APBB2: variants seen among roughly 807,000 people sequenced by gnomAD.
APBB2 encodes amyloid beta precursor protein binding family B member 2, also known as Fe65-like 1.
Under a neutral mutation model 82.5 loss-of-function variants are expected in APBB2, and 38 were observed. That is an observed-to-expected ratio of 0.46 (90% CI 0.36 to 0.60). APBB2 has a LOEUF of 0.60. Among genes scored for constraint, APBB2 ranks in the 20% least tolerant of loss-of-function variants. The probability of loss-of-function intolerance (pLI) is 0.00; values close to 1 mark genes in which losing one functional copy is unlikely to be tolerated. For synonymous variants in APBB2, 341 were observed against 368.2 expected (o/e 0.93, Z 0.85); for missense variants, 772 against 972.3 (o/e 0.79, Z 2.74).
Position 41,183,205 on chromosome 4 carries a change from C to T in APBB2, c.-417+31200G>A, listed in dbSNP as rs138452891. 6.9e-3 allele frequency among the ~76,000 whole-genome samples: 1,056 copies of T among 152,324 alleles called. 20 individuals carry two copies. Among genetic ancestry groups the T allele is most frequent in the African/African-American group, 0.024 (1,013 of 41,568 alleles). The stretch of plus-strand genomic sequence containing the variant: ...GTCCACACCACCGCCCTCTCTAGCA[C>T]CCTGGCCCAGCAATCACCATTGTCT... On this transcript the variant is annotated intron_variant, in intron 1 of 17. Coordinates refer to ENST00000508593, the MANE Select transcript of APBB2 (RefSeq NM_004307.2).
intron 10 of APBB2, among the ~76,000 whole-genome samples, chr4:40,928,713 T>C (rs1459937861): frequency 6.6e-6 from 1 of 151,904 alleles, no homozygotes; most frequent in Non-Finnish European, 1.5e-5. Flanking sequence ...GGTGAAACCC[T>C]GTCTCTACTA....
At chr4:40,952,197 A>T (rs200984253) in intron 6 of APBB2, among the ~76,000 whole-genome samples, 25,474 of 150,650 alleles carry the variant, frequency 0.17, 2,490 homozygotes, top group Admixed American at 0.24. Flanking sequence ...AAAAAAAAAA[A>T]AAAAAAAAAG....
chr4:41,056,429 T>C (rs1281942339), intron 4 of APBB2, among the ~76,000 whole-genome samples: 2 of 152,090 alleles, frequency 1.3e-5, no homozygotes, highest in African/African-American at 2.4e-5. Context: ...CCCCAGACCA[T>C]TGTGTCCTGT....
At chr4:41,124,559 T>C (rs1053226492) in intron 2 of APBB2, among the ~76,000 whole-genome samples, 6 of 151,926 alleles carry the variant, frequency 3.9e-5, no homozygotes, top group Non-Finnish European at 7.4e-5. Context: ...ATGGGCCATA[T>C]AAAAAAAACA....
chr4:41,028,899 T>C (rs1310690897), intron 5 of APBB2, among the ~76,000 whole-genome samples: 2 of 152,308 alleles, frequency 1.3e-5, no homozygotes, highest in South Asian at 2.1e-4. Flanking sequence ...TGGTTAAACC[T>C]GGCTTTCCCC....
At chr4:41,101,470 CAAAAAAAAAAAAAAAAA>C (rs150527764) in intron 2 of APBB2, among the ~76,000 whole-genome samples, 6 of 72,524 alleles carry the variant, frequency 8.3e-5, no homozygotes, top group South Asian at 1.6e-3. Context: ...GACTCCGTCT[CAAAAAAAAAAAAAAAAA>C]AAAAAAAAAA....
chr4:41,014,658 TA>T (rs1809366916), intron 5 of APBB2, among the ~76,000 whole-genome samples: 1 of 152,178 alleles, frequency 6.6e-6, no homozygotes, highest in South Asian at 2.1e-4. Flanking sequence ...TTACTTAAAA[TA>T]AAAAAGCATT....
At chr4:41,077,262 T>C (rs1735976005) in intron 3 of APBB2, among the ~76,000 whole-genome samples, 1 of 150,840 alleles carries the variant, frequency 6.6e-6, no homozygotes, top group Admixed American at 6.6e-5. Context: ...CCTCCCACCT[T>C]GACCTCTGAG....
chr4:40,939,946 A>G (rs1186118986), intron 7 of APBB2, among the ~76,000 whole-genome samples: 1 of 152,206 alleles, frequency 6.6e-6, no homozygotes, highest in Non-Finnish European at 1.5e-5. Flanking sequence ...AGAAACTACA[A>G]TGTAGAGGGG....
intron 12 of APBB2, among the ~76,000 whole-genome samples, chr4:40,868,484 A>G (rs545007706): frequency 3.9e-5 from 6 of 152,210 alleles, no homozygotes; most frequent in Non-Finnish European, 8.8e-5. Context: ...ACCATTAGCA[A>G]TCTCAGCTTC....
At position 40,816,115 on chromosome 4, in the gene APBB2, G is replaced by A. The variant is rs768084121; in HGVS notation, c.2257C>T (p.Arg753Cys). ...AGCTATGGCATTTCGGTGACAGGGC[G>A]TTTCTGTTTCAAAGTGTCAATGAGG... Reference protein sequence around the residue: ...LSLIDTLKQKRPVTEMP With the variant: ...LSLIDTLKQKCPVTEMP The change falls in exon 18 of 18, where the codon CGC becomes TGC. Residue 753 changes from arginine to cysteine, a missense_variant. Transcript: ENST00000508593. 9 of 1,613,796 alleles carry A rather than the reference G, an allele frequency of 5.6e-6. No individual in the cohort carries two copies. The highest frequency in any genetic ancestry group is 7.6e-6 in the Non-Finnish European group (9 of 1,179,792).
chr4:40,817,027 A>C (rs925580152), intron 17 of APBB2, among the ~76,000 whole-genome samples: 1 of 152,332 alleles, frequency 6.6e-6, no homozygotes, highest in South Asian at 2.1e-4. Context: ...CTGGTTTTGC[A>C]TAATGGGAAG....
At chr4:40,877,820 C>T (rs892443196) in intron 12 of APBB2, among the ~76,000 whole-genome samples, 2 of 152,264 alleles carry the variant, frequency 1.3e-5, no homozygotes, top group Non-Finnish European at 2.9e-5. Context: ...GTAGGAGCCA[C>T]GTGTCATGAA....
At chr4:40,978,647 G>A (rs1797751534) in intron 6 of APBB2, among the ~76,000 whole-genome samples, 1 of 152,134 alleles carries the variant, frequency 6.6e-6, no homozygotes, top group South Asian at 2.1e-4. Context: ...TTTTTTGCAA[G>A]GTAGCTGGAT....
At chr4:40,945,770 G>A (rs1299945856) in intron 6 of APBB2, among the ~76,000 whole-genome samples, 2 of 152,088 alleles carry the variant, frequency 1.3e-5, no homozygotes, top group Admixed American at 6.5e-5. Context: ...TTGCCACCAC[G>A]CCAGGCTTTT....
chr4:41,029,052 G>A (rs1437006896), intron 5 of APBB2, among the ~76,000 whole-genome samples: 3 of 152,148 alleles, frequency 2.0e-5, no homozygotes, highest in African/African-American at 4.8e-5. Context: ...ACTGACAAAC[G>A]GGCCCAGGGT....
intron 12 of APBB2, among the ~76,000 whole-genome samples, chr4:40,871,567 G>C (rs1239644663): frequency 6.6e-6 from 1 of 152,212 alleles, no homozygotes; most frequent in East Asian, 1.9e-4. Context: ...TAGAATTCAT[G>C]GTTTCAGACA....
intron 3 of APBB2, among the ~76,000 whole-genome samples, chr4:41,068,087 C>T (rs1560665010): frequency 6.6e-6 from 1 of 152,180 alleles, no homozygotes; most frequent in Non-Finnish European, 1.5e-5. Flanking sequence ...TACAGTAGCT[C>T]CCCTTTGTCC....
intron 12 of APBB2, among the ~76,000 whole-genome samples, chr4:40,876,865 T>C (rs970453824): frequency 2.0e-5 from 3 of 152,262 alleles, no homozygotes; most frequent in Admixed American, 6.5e-5. Context: ...ATATCTGTTA[T>C]ACAATATACC....
Sources: allele counts gnomAD v4.1 joint callset (sites outside exome capture counted in the v4.1 genomes callset), GRCh38; gene constraint gnomAD v4.1.1; transcripts MANE v1.5; gene names NCBI Gene and HGNC (gene_info 2026-07-23, HGNC 2026-07-21).